Variants in LRRC4C observed in about 807,000 individuals in gnomAD.
LRRC4C encodes leucine rich repeat containing 4C.
In LRRC4C, 5 loss-of-function variants were observed where a neutral mutation model predicts 33.6. The ratio of observed to expected loss-of-function variants is 0.15; its 90% confidence interval spans 0.08 to 0.31. The LOEUF is 0.31. Among genes scored for constraint, LRRC4C ranks in the 10% least tolerant of loss-of-function variants. The pLI, the probability that LRRC4C is intolerant of heterozygous loss-of-function variation, is 1.00. For synonymous variants in LRRC4C, 329 were observed against 302.0 expected (o/e 1.09, Z -0.93); for missense variants, 560 against 796.7 (o/e 0.70, Z 3.58).
At chr11:41,251,306 C>T (rs1948630430) in intron 1 of LRRC4C, among the ~76,000 whole-genome samples, 1 of 152,178 alleles carries the variant, frequency 6.6e-6, no homozygotes, top group Non-Finnish European at 1.5e-5. Flanking sequence ...TTCTAAATCT[C>T]ATCACTAACA....
intron 4 of LRRC4C, among the ~76,000 whole-genome samples, chr11:40,280,587 A>G (rs1049110158): frequency 1.3e-5 from 2 of 152,050 alleles, no homozygotes; most frequent in Admixed American, 6.6e-5. Context: ...GACAGGAGGC[A>G]TTTCCAACTG....
intron 3 of LRRC4C, among the ~76,000 whole-genome samples, chr11:40,553,509 G>A (rs569704057): frequency 8.5e-5 from 13 of 152,094 alleles, no homozygotes; most frequent in Admixed American, 3.3e-4. Flanking sequence ...CTATATTAGC[G>A]TAAAACTCTA....
chr11:40,122,406 C>A (rs150137988), intron 6 of LRRC4C, among the ~76,000 whole-genome samples: 51 of 152,214 alleles, frequency 3.4e-4, no homozygotes, highest in African/African-American at 1.2e-3. Context: ...GATGCTCTCC[C>A]TTCCCCCACA....
At chr11:40,804,488 C>T (rs1030438005) in intron 2 of LRRC4C, among the ~76,000 whole-genome samples, 1 of 152,182 alleles carries the variant, frequency 6.6e-6, no homozygotes, top group Non-Finnish European at 1.5e-5. Context: ...GCATTCCGCA[C>T]GTGTTTAATG....
At chr11:41,048,039 C>T (rs977586496) in intron 1 of LRRC4C, among the ~76,000 whole-genome samples, 12 of 152,122 alleles carry the variant, frequency 7.9e-5, no homozygotes, top group African/African-American at 2.7e-4. Context: ...TTATTTTTGT[C>T]CCTGCCATAA....
chr11:41,141,891 T>C (rs1301117141), intron 1 of LRRC4C, among the ~76,000 whole-genome samples: 1 of 152,166 alleles, frequency 6.6e-6, no homozygotes, highest in Non-Finnish European at 1.5e-5. Flanking sequence ...AATCATAATT[T>C]AGGTACAATA....
intron 3 of LRRC4C, among the ~76,000 whole-genome samples, chr11:40,527,129 T>C (rs1020117801): frequency 3.3e-5 from 5 of 152,136 alleles, no homozygotes; most frequent in African/African-American, 1.2e-4. Context: ...TGAGGGGATA[T>C]TGACAAAAGT....
At chr11:40,344,140 A>G (rs1947010740) in intron 3 of LRRC4C, among the ~76,000 whole-genome samples, 1 of 152,134 alleles carries the variant, frequency 6.6e-6, no homozygotes, top group African/African-American at 2.4e-5. Context: ...ACTCCTTCCT[A>G]ACTCATTCTA....
rs78800755 is a variant in LRRC4C at position 40,460,588 on chromosome 11, G to C, written c.-269-140867C>G. Among the ~76,000 whole-genome samples the C allele has an allele frequency of 6.8e-3, 1,031 of 152,242 alleles. 25 individuals are homozygous for C. The highest frequency in any genetic ancestry group is 0.066 in the East Asian group (338 of 5,160). ...AAAAGTAAACATTTTTCAGTTCACAGTAATGCCACATTTGAAATAAATTGG... is the reference window on the plus strand; with the variant it reads ...AAAAGTAAACATTTTTCAGTTCACACTAATGCCACATTTGAAATAAATTGG... On this transcript the variant is annotated intron_variant, in intron 3 of 6. Coordinates refer to ENST00000528697, the MANE Select transcript of LRRC4C (RefSeq NM_001258419.2).
chr11:41,391,891 A>G (rs1005487780), intron 1 of LRRC4C, among the ~76,000 whole-genome samples: 4 of 152,100 alleles, frequency 2.6e-5, no homozygotes, highest in South Asian at 4.1e-4. Flanking sequence ...AAGCATTGTA[A>G]TAAGTGTTTT....
intron 1 of LRRC4C, among the ~76,000 whole-genome samples, chr11:41,239,244 C>G (rs1948149803): frequency 1.4e-5 from 2 of 146,926 alleles, no homozygotes; most frequent in South Asian, 4.4e-4. Context: ...ATGGCATGAA[C>G]CCAAGAGGCG....
intron 1 of LRRC4C, among the ~76,000 whole-genome samples, chr11:41,116,737 A>G (rs1199724768): frequency 1.3e-5 from 2 of 152,108 alleles, no homozygotes; most frequent in East Asian, 3.9e-4. Flanking sequence ...TTAATGTATC[A>G]TTTACTAACT....
intron 3 of LRRC4C, among the ~76,000 whole-genome samples, chr11:40,625,834 T>C (rs1035037562): frequency 3.3e-5 from 5 of 152,178 alleles, no homozygotes; most frequent in Non-Finnish European, 7.3e-5. Flanking sequence ...ACAAACCTTT[T>C]CCAAACACCT....
At chr11:40,453,336 AAAAAAT>A (rs1239707285) in intron 3 of LRRC4C, among the ~76,000 whole-genome samples, 6 of 152,222 alleles carry the variant, frequency 3.9e-5, no homozygotes, top group Non-Finnish European at 7.3e-5. Flanking sequence ...TAGTGTATAC[AAAAAAT>A]AAAAATAAAA....
rs139418949 is a variant in LRRC4C, at chr11:40,559,713, A to T, written c.-270+88429T>A. 3.6e-3 allele frequency among the ~76,000 whole-genome samples: 544 copies of T among 152,264 alleles called. 3 individuals are homozygous for T. The highest frequency in any genetic ancestry group is 0.012 in the African/African-American group (511 of 41,562). Reference sequence around the variant, plus strand: ...TGACTTTTTAATAGGTTTGACTTTTAAAAAACTCATTATTTTTGACTTTTA... The same window carrying T: ...TGACTTTTTAATAGGTTTGACTTTTTAAAAACTCATTATTTTTGACTTTTA... On this transcript the variant is annotated intron_variant, in intron 3 of 6. Transcript: ENST00000528697.
intron 1 of LRRC4C, among the ~76,000 whole-genome samples, chr11:40,955,237 G>A (rs1236260952): frequency 6.6e-6 from 1 of 151,798 alleles, no homozygotes; most frequent in African/African-American, 2.4e-5. Context: ...CAAAGCAGGG[G>A]ACAAACGTGT....
chr11:41,180,087 G>A (rs561745950), intron 1 of LRRC4C, among the ~76,000 whole-genome samples: 4 of 152,278 alleles, frequency 2.6e-5, no homozygotes, highest in East Asian at 3.9e-4. Context: ...TAATAGTTGA[G>A]TAGGAATTAG....
chr11:41,164,991 T>C (rs1406513704), intron 1 of LRRC4C, among the ~76,000 whole-genome samples: 1 of 152,060 alleles, frequency 6.6e-6, no homozygotes, highest in African/African-American at 2.4e-5. Flanking sequence ...AAGAACCTGC[T>C]CTCCATTATC....
At chr11:40,220,694 G>A (rs1046545195) in intron 5 of LRRC4C, among the ~76,000 whole-genome samples, 1 of 151,908 alleles carries the variant, frequency 6.6e-6, no homozygotes, top group African/African-American at 2.4e-5. Context: ...GAAGACCTGA[G>A]TTTTTAAAAT....
Sources: gnomAD v4.1 joint callset for allele counts (sites outside exome capture counted in the v4.1 genomes callset) on GRCh38, gnomAD v4.1.1 for gene constraint, MANE v1.5 for transcripts, NCBI Gene and HGNC (gene_info 2026-07-23, HGNC 2026-07-21) for gene names.